Variants in ATP6V0A1 observed in about 807,000 individuals in gnomAD.
ATP6V0A1 encodes V-type proton ATPase 116 kDa subunit a 1.
A neutral mutation model predicts 105.4 loss-of-function variants in ATP6V0A1; 43 were observed. The observed-to-expected ratio is 0.41, with a 90% CI of 0.32 to 0.53. ATP6V0A1 has a LOEUF of 0.53. ATP6V0A1 is among the 20% of genes least tolerant of loss of function. The pLI is 0.30. For missense variants in ATP6V0A1, 676 were observed against 1,051.1 expected, an observed-to-expected ratio of 0.64 and a Z score of 4.93; for synonymous variants, 362 against 372.8, an observed-to-expected ratio of 0.97 and a Z score of 0.33.
chr17:42,482,208 A>G (rs1267718358), intron 8 of ATP6V0A1, among the ~76,000 whole-genome samples: 1 of 151,996 alleles, frequency 6.6e-6, no homozygotes, highest in Non-Finnish European at 1.5e-5. Flanking sequence ...GTGCAGTGGC[A>G]TGATCACAGC....
intron 21 of ATP6V0A1, among the ~76,000 whole-genome samples, chr17:42,514,681 G>A (rs1446621789): frequency 1.3e-5 from 2 of 152,190 alleles, no homozygotes. Flanking sequence ...GCTCTAGGGA[G>A]ATGTCCCTGG....
rs1188841897 is a variant in ATP6V0A1 at position 42,521,618 on chromosome 17, G to A, written c.*498G>A. ...TCTTGGATTAGCAGGGGTGGGTCCA[G>A]GAAGATGATATTTGCGTCTTTTGCC... On this transcript the variant is annotated 3_prime_UTR_variant, in exon 22 of 22. Coordinates refer to ENST00000343619, the MANE Select transcript of ATP6V0A1 (RefSeq NM_001130021.3). This position sits in a 1 kb window ranked among gnomAD's most constrained non-coding sequence, Gnocchi z 4.8. 2 of 152,456 alleles carry A rather than the reference G, an allele frequency of 1.3e-5. No homozygotes were observed. The highest frequency in any genetic ancestry group is 2.4e-5 in the African/African-American group (1 of 41,424). The allele number at this position is 152,456 out of a possible 1,614,324, so 9.4% of individuals were successfully genotyped here.
At chr17:42,493,501 A>G (rs1455221347) in intron 11 of ATP6V0A1, among the ~76,000 whole-genome samples, 1 of 152,200 alleles carries the variant, frequency 6.6e-6, no homozygotes, top group Non-Finnish European at 1.5e-5. Context: ...TTTGTTTGAA[A>G]TGTTATCAGA....
intron 7 of ATP6V0A1, 192 bp from the exon 8 acceptor site, chr17:42,480,475 A>G (rs2089351488): frequency 2.0e-6 from 1 of 488,062 alleles, no homozygotes; most frequent in Non-Finnish European, 3.6e-6. Flanking sequence ...ATTTTTGTGA[A>G]TTAGAGATTA....
Position 42,487,169 on chromosome 17 carries a change from G to T in ATP6V0A1, c.825G>T (p.Thr275=). The T allele has an allele frequency of 6.2e-7, 1 of 1,614,088 alleles. No homozygotes were observed. Reference sequence around the variant, plus strand: ...TCTCCCCAAAGGTTCTGAATCAAACGGAGGATCACCGCCAGAGGGTTCTGC... The same window carrying T: ...TCTCCCCAAAGGTTCTGAATCAAACTGAGGATCACCGCCAGAGGGTTCTGC... ...IDDLQMVLNQ[T]EDHRQRVLQA... The change falls in exon 10 of 22, where the codon ACG becomes ACT. Residue 275 remains threonine, a synonymous_variant. Coordinates refer to ENST00000343619, the MANE Select transcript of ATP6V0A1 (RefSeq NM_001130021.3).
chr17:42,492,834 G>C (rs2090789942), intron 11 of ATP6V0A1, among the ~76,000 whole-genome samples: 1 of 151,756 alleles, frequency 6.6e-6, no homozygotes, highest in South Asian at 2.1e-4. Context: ...TGGCCAACAT[G>C]GTGAAACCCT....
intron 9 of ATP6V0A1, among the ~76,000 whole-genome samples, chr17:42,484,910 C>T (rs1001126059): frequency 1.3e-5 from 2 of 148,266 alleles, no homozygotes; most frequent in African/African-American, 2.5e-5. Flanking sequence ...AGTGCAGTGG[C>T]GCGATCTCGG....
rs776252382 is a variant in ATP6V0A1, at chr17:42,460,887, C to T, written c.-8C>T. On this transcript the variant is annotated 5_prime_UTR_variant, in exon 2 of 22. Coordinates refer to ENST00000343619, the MANE Select transcript of ATP6V0A1 (RefSeq NM_001130021.3). ...CAGGTACTCACTAGACTGGTACCTT[C>T]TGCCACCATGGGGGAGCTTTTCCGG... 1 of 1,608,040 alleles carries T rather than the reference C, an allele frequency of 6.2e-7. No homozygotes were observed. Among genetic ancestry groups the T allele is most frequent in the Non-Finnish European group, 8.5e-7 (1 of 1,174,408 alleles).
intron 5 of ATP6V0A1, among the ~76,000 whole-genome samples, chr17:42,473,404 T>C (rs988924409): frequency 6.6e-6 from 1 of 152,188 alleles, no homozygotes; most frequent in Admixed American, 6.5e-5. Flanking sequence ...ACAAGATGAG[T>C]AAGACATGGT....
chr17:42,494,748 A>C (rs775851928), intron 12 of ATP6V0A1: 45 of 470,672 alleles, frequency 9.6e-5, no homozygotes, highest in Non-Finnish European at 1.4e-4. Context: ...TCTCTAAAAA[A>C]ATAAAAATTA....
At chr17:42,483,542 G>A (rs1190732190) in intron 9 of ATP6V0A1, among the ~76,000 whole-genome samples, 1 of 151,968 alleles carries the variant, frequency 6.6e-6, no homozygotes, top group Non-Finnish European at 1.5e-5. Flanking sequence ...TGAGTAGCTG[G>A]GATTACAGGC....
At chr17:42,497,463 G>A (rs1014464354) in intron 14 of ATP6V0A1, among the ~76,000 whole-genome samples, 1 of 151,236 alleles carries the variant, frequency 6.6e-6, no homozygotes, top group Non-Finnish European at 1.5e-5. Context: ...ACGAGGTCAG[G>A]AGTTCAAGAC....
Position 42,514,406 on chromosome 17 carries a change from T to C in ATP6V0A1, c.2366T>C (p.Ile789Thr). ...FTAFATLTVA[I>T]LLIMEGLSAF... is the part of the protein sequence containing the mutation. ...GCCTTTGCCACCCTGACCGTGGCCA[T>C]CCTCCTGATCATGGAGGGCCTCTCG... The change falls in exon 21 of 22, where the codon ATC (isoleucine) becomes ACC (threonine). Residue 789 changes from isoleucine (I) to threonine (T), a missense_variant. Ile to Thr is a moderately conservative substitution (Grantham distance 89). Transcript: ENST00000343619. 1 of 1,613,468 alleles carries C rather than the reference T, an allele frequency of 6.2e-7. No homozygotes were observed. The highest frequency in any genetic ancestry group is 8.5e-7 in the Non-Finnish European group (1 of 1,179,712).
chr17:42,499,036 A>G lies in ATP6V0A1; in HGVS notation c.1673A>G (p.Asn558Ser). 6.3e-7 allele frequency: 1 copy of G among 1,592,120 alleles called. No individual in the cohort carries two copies. Among genetic ancestry groups the G allele is most frequent in the Non-Finnish European group, 8.6e-7 (1 of 1,160,900 alleles). Residue 558 changes from asparagine to serine, a missense_variant, in exon 15 of 22, where the codon AAC becomes AGC. Around this residue, in one of 3 missense-constraint regions of ATP6V0A1, gnomAD observed 435 missense variants for 642.2 expected, o/e 0.68. Transcript: ENST00000343619. The part of the protein sequence containing the change: ...MLFGVSLSLF[N>S]HIYFKKPLNI... ...TTTGGAGTCAGCCTGAGTCTGTTCA[A>G]CCATATGTGAGTTGTTCCATTTCTG...
chr17:42,462,117 A>G (rs923106496), intron 2 of ATP6V0A1, among the ~76,000 whole-genome samples: 2 of 150,666 alleles, frequency 1.3e-5, no homozygotes, highest in African/African-American at 4.9e-5. Context: ...TGGGAAGCTA[A>G]GGTGGGAGGA....
Position 42,513,766 on chromosome 17 carries a change from G to A in ATP6V0A1, c.2131-95G>A, listed in dbSNP as rs1946011410. The A allele has an allele frequency of 1.1e-5, 13 of 1,187,180 alleles. No individual in the cohort carries two copies. The Middle Eastern group carries it at 5.9e-4, about 53-fold the overall frequency. The allele number at this position is 1,187,180 out of a possible 1,614,324, so 73.5% of individuals were successfully genotyped here. A position where few individuals can be genotyped will look rare whatever the true frequency, so the allele number is the denominator to read the frequency against. On this transcript the variant is annotated intron_variant, in intron 19 of 21. Transcript: ENST00000343619. ...CATGGGAAGTGCAGTCCCCTGCCCT[G>A]GCCCAGGTTCAAAGCGCCAAGTAGC... is the stretch of plus-strand genomic sequence containing the variant.
At chr17:42,462,220 CAAA>C (rs1251035027) in intron 2 of ATP6V0A1, among the ~76,000 whole-genome samples, 1 of 125,160 alleles carries the variant, frequency 8.0e-6, no homozygotes, top group Admixed American at 8.0e-5. Flanking sequence ...GTCTCAAAAC[CAAA>C]AAAAAAAAAA....
At chr17:42,473,893 C>T (rs929011718) in intron 5 of ATP6V0A1, among the ~76,000 whole-genome samples, 2 of 152,066 alleles carry the variant, frequency 1.3e-5, no homozygotes, top group African/African-American at 4.8e-5. Flanking sequence ...GGATTTAGGA[C>T]TTTTATTTTG....
chr17:42,501,012 C>T (rs1417330827), intron 16 of ATP6V0A1, 89 bp downstream of exon 16: 39 of 1,384,238 alleles, frequency 2.8e-5, no homozygotes, highest in Non-Finnish European at 3.9e-5. Context: ...TTTATAACTG[C>T]CCTTCTATGG....
Sources: allele counts gnomAD v4.1 joint callset (sites outside exome capture counted in the v4.1 genomes callset), GRCh38; gene constraint gnomAD v4.1.1; regional missense constraint gnomAD v4.1.1; non-coding constraint Gnocchi (gnomAD v3.1); transcripts MANE v1.5; gene names NCBI Gene and HGNC (gene_info 2026-07-23, HGNC 2026-07-21).